Variants in CTDSPL2 observed in about 807,000 individuals in gnomAD.
CTDSPL2 encodes CTD small phosphatase like 2.
A neutral mutation model predicts 60.0 loss-of-function variants in CTDSPL2; 5 were observed. That is an observed-to-expected ratio of 0.08 (90% CI 0.04 to 0.18). CTDSPL2 has a LOEUF of 0.18. Among genes scored for constraint, CTDSPL2 ranks in the 10% least tolerant of loss-of-function variants. CTDSPL2 has a pLI of 1.00. For missense variants in CTDSPL2, 370 were observed against 548.8 expected (o/e 0.67, Z 3.26); for synonymous variants, 186 against 189.3 (o/e 0.98, Z 0.14).
rs2081079586 is a variant in CTDSPL2, at chr15:44,484,246, A to G, written c.209A>G (p.Lys70Arg). ...TPKEERENPS[K>R]RSRIERDIDN... ...AAGGAAGAGAGAGAAAATCCTTCAA[A>G]ACGGAGTAGAATTGAACGTGATATA... is the stretch of plus-strand genomic sequence containing the variant. The change falls in exon 3 of 13, where the codon AAA becomes AGA. Residue 70 changes from lysine (K) to arginine (R), a missense_variant. Physicochemically the swap from Lys to Arg is conservative, Grantham distance 26 (BLOSUM62 2). Around this residue, in one of 6 missense-constraint regions of CTDSPL2, gnomAD observed 287 missense variants for 296.1 expected, o/e 0.97. Coordinates refer to ENST00000260327, the MANE Select transcript of CTDSPL2 (RefSeq NM_016396.3). 1.2e-6 allele frequency: 2 copies of G among 1,611,508 alleles called. No individual in the cohort carries two copies. The highest frequency in any genetic ancestry group is 1.3e-5 in the African/African-American group (1 of 74,862).
At chr15:44,450,104 G>A (rs1338272268) in intron 1 of CTDSPL2, among the ~76,000 whole-genome samples, 2 of 152,080 alleles carry the variant, frequency 1.3e-5, no homozygotes, top group African/African-American at 4.8e-5. Context: ...GCTACCTGAG[G>A]TGTTTTTGCT....
intron 1 of CTDSPL2, chr15:44,449,169 A>G: frequency 3.4e-6 from 1 of 298,490 alleles, no homozygotes; most frequent in East Asian, 1.0e-4. Context: ...ACTTGGTCTC[A>G]TATCTGTTCC....
intron 1 of CTDSPL2, among the ~76,000 whole-genome samples, chr15:44,453,799 C>T (rs2080379813): frequency 6.6e-6 from 1 of 152,060 alleles, no homozygotes; most frequent in Admixed American, 6.6e-5. Flanking sequence ...TGTATATATG[C>T]CACATTTTCT....
At chr15:44,474,774 T>C (rs770077595) in intron 2 of CTDSPL2, among the ~76,000 whole-genome samples, 7 of 152,176 alleles carry the variant, frequency 4.6e-5, no homozygotes, top group Non-Finnish European at 8.8e-5. Context: ...GAGAATTGCT[T>C]GAACCCGGGA....
chr15:44,496,750 A>T (rs933761008), intron 6 of CTDSPL2, among the ~76,000 whole-genome samples: 1 of 152,126 alleles, frequency 6.6e-6, no homozygotes, highest in Non-Finnish European at 1.5e-5. Context: ...AGTCCCAGCT[A>T]TTAGGGAAGG....
chr15:44,492,439 C>T (rs963381405), intron 5 of CTDSPL2, among the ~76,000 whole-genome samples: 1 of 152,136 alleles, frequency 6.6e-6, no homozygotes, highest in African/African-American at 2.4e-5. Context: ...TTTTACTTTA[C>T]AATGGGTTTA....
chr15:44,435,129 G>A (rs1201687037), intron 1 of CTDSPL2, among the ~76,000 whole-genome samples: 1 of 151,870 alleles, frequency 6.6e-6, no homozygotes, highest in Non-Finnish European at 1.5e-5. Flanking sequence ...GCGCGGTGGT[G>A]TGCACCTGTA....
Position 44,459,122 on chromosome 15 carries a change from A to C in CTDSPL2, c.108A>C (p.Ser36=). The part of the protein sequence containing the change: ...KYSEVDDSLP[S]GGEKPSKNET... Reference sequence around the variant, plus strand: ...CAGAGGTTGATGATAGCCTGCCTTCAGGAGGAGAAAAACCATCGAAGAATG... The same window carrying C: ...CAGAGGTTGATGATAGCCTGCCTTCCGGAGGAGAAAAACCATCGAAGAATG... Residue 36 remains serine, a synonymous_variant, in exon 2 of 13, where the codon TCA becomes TCC. Coordinates refer to ENST00000260327, the MANE Select transcript of CTDSPL2 (RefSeq NM_016396.3). 1.2e-6 allele frequency: 2 copies of C among 1,613,348 alleles called. No homozygotes were observed. The highest frequency in any genetic ancestry group is 1.7e-6 in the Non-Finnish European group (2 of 1,179,580).
intron 1 of CTDSPL2, among the ~76,000 whole-genome samples, chr15:44,458,077 T>C (rs1169934899): frequency 6.6e-6 from 1 of 152,244 alleles, no homozygotes; most frequent in African/African-American, 2.4e-5. Context: ...TCCACTATGG[T>C]GAATAGCTTT....
chr15:44,455,230 T>C (rs1481419245), intron 1 of CTDSPL2, among the ~76,000 whole-genome samples: 1 of 152,208 alleles, frequency 6.6e-6, no homozygotes, highest in African/African-American at 2.4e-5. Context: ...CTGTCTGTTA[T>C]TGGTGTATAA....
At chr15:44,453,629 T>C (rs573821478) in intron 1 of CTDSPL2, among the ~76,000 whole-genome samples, 1 of 133,836 alleles carries the variant, frequency 7.5e-6, no homozygotes, top group South Asian at 2.6e-4. Flanking sequence ...CCTGTGTCCA[T>C]GTGTTCTCAT....
At chr15:44,442,753 A>G (rs1240490778) in intron 1 of CTDSPL2, among the ~76,000 whole-genome samples, 1 of 152,044 alleles carries the variant, frequency 6.6e-6, no homozygotes, top group Non-Finnish European at 1.5e-5. Flanking sequence ...AGATGGGCGG[A>G]TCACTTGAGC....
At chr15:44,473,206 G>A (rs1411191942) in intron 2 of CTDSPL2, among the ~76,000 whole-genome samples, 4 of 152,186 alleles carry the variant, frequency 2.6e-5, no homozygotes, top group Admixed American at 2.0e-4. Flanking sequence ...TTTTGATGAA[G>A]TCCACTTTGT....
intron 10 of CTDSPL2, 38 bp from the exon 11 acceptor site, chr15:44,519,131 G>T: frequency 9.3e-7 from 1 of 1,073,846 alleles, no homozygotes. Flanking sequence ...TTTTTAGAAA[G>T]TTTTTTTTTT....
rs2081081887 is a variant in CTDSPL2, at chr15:44,484,346, A to G, written c.309A>G (p.Lys103=). 1 of 1,613,568 alleles carries G rather than the reference A, an allele frequency of 6.2e-7. No individual in the cohort carries two copies. The highest frequency in any genetic ancestry group is 8.5e-7 in the Non-Finnish European group (1 of 1,179,752). Residue 103 remains lysine, a synonymous_variant, in exon 3 of 13, where the codon AAA becomes AAG. Coordinates refer to ENST00000260327, the MANE Select transcript of CTDSPL2 (RefSeq NM_016396.3). ...AACAGATATCTCGAGTAAGACGGAAAAGTCAAGTAAATGGAGGTTTGTTAA... is the reference window on the plus strand; with the variant it reads ...AACAGATATCTCGAGTAAGACGGAAGAGTCAAGTAAATGGAGGTTTGTTAA... ...PNKQISRVRR[K]SQVNGEAGSY...
chr15:44,486,095 T>C (rs925847565), intron 3 of CTDSPL2, among the ~76,000 whole-genome samples: 2 of 152,212 alleles, frequency 1.3e-5, no homozygotes, highest in Admixed American at 1.3e-4. Context: ...TTTGCTTCAG[T>C]AGAGTTATGT....
At chr15:44,468,599 T>C (rs2080742797) in intron 2 of CTDSPL2, among the ~76,000 whole-genome samples, 1 of 152,236 alleles carries the variant, frequency 6.6e-6, no homozygotes. Flanking sequence ...ACATTTTCTA[T>C]AAATATTTCA....
chr15:44,442,184 C>G (rs2080102762), intron 1 of CTDSPL2, among the ~76,000 whole-genome samples: 1 of 152,146 alleles, frequency 6.6e-6, no homozygotes, highest in Non-Finnish European at 1.5e-5. Flanking sequence ...GGTGCGGTGG[C>G]TCATGCCTGT....
chr15:44,454,065 C>A (rs549680643), intron 1 of CTDSPL2, among the ~76,000 whole-genome samples: 1 of 152,320 alleles, frequency 6.6e-6, no homozygotes, highest in African/African-American at 2.4e-5. Flanking sequence ...GTTCCTATTT[C>A]TCCACATCCT....
Sources: gnomAD v4.1 joint callset for allele counts (sites outside exome capture counted in the v4.1 genomes callset) on GRCh38, gnomAD v4.1.1 for gene constraint, gnomAD v4.1.1 regional missense constraint, MANE v1.5 for transcripts, NCBI Gene and HGNC (gene_info 2026-07-23, HGNC 2026-07-21) for gene names.